GAPDH: variants seen among roughly 807,000 people sequenced by gnomAD.
GAPDH encodes glyceraldehyde-3-phosphate dehydrogenase, also known as OCAS, p38 component.
In GAPDH, 13 loss-of-function variants were observed where a neutral mutation model predicts 31.2. The observed-to-expected ratio is 0.42, with a 90% CI of 0.27 to 0.66. GAPDH has a LOEUF of 0.66. Ranked by LOEUF, GAPDH falls within the 30% of genes least tolerant of loss-of-function variation. The probability of loss-of-function intolerance (pLI) is 0.26; values close to 1 mark genes in which losing one functional copy is unlikely to be tolerated. For missense variants in GAPDH, 300 were observed against 443.7 expected, an observed-to-expected ratio of 0.68 and a Z score of 2.91; for synonymous variants, 211 against 166.9, an observed-to-expected ratio of 1.26 and a Z score of -2.04.
chr12:6,537,028 C>T lies in GAPDH; in HGVS notation c.327+18C>T, dbSNP rs188736603. ...AGGCTGGGGTGAGTGCAGGAGGGCC[C>T]GCGGGAGGGGAAGCTGACTCAGCCC... On this transcript the variant is annotated intron_variant, in intron 5 of 8. Coordinates refer to ENST00000229239, the MANE Select transcript of GAPDH (RefSeq NM_002046.7). This position sits in a 1 kb window ranked among gnomAD's most constrained non-coding sequence, Gnocchi z 4.9. 3,045 of 1,609,884 alleles carry T rather than the reference C, an allele frequency of 1.9e-3. 5 individuals are homozygous for T. Among genetic ancestry groups the T allele is most frequent in the Non-Finnish European group, 2.2e-3 (2,644 of 1,177,850 alleles).
Position 6,537,463 on chromosome 12 carries a change from G to A in GAPDH, c.525+73G>A. 1.9e-6 allele frequency: 3 copies of A among 1,582,846 alleles called. No individual in the cohort carries two copies. The highest frequency in any genetic ancestry group is 1.7e-6 in the Non-Finnish European group (2 of 1,154,688). Reference sequence around the variant, plus strand: ...AGACTGGCTCCTCCCTGCCGGGGCTGCGTGCAACCCTGGGGTTGGGGGTTC... The same window carrying A: ...AGACTGGCTCCTCCCTGCCGGGGCTACGTGCAACCCTGGGGTTGGGGGTTC... On this transcript the variant is annotated intron_variant, in intron 7 of 8. Transcript: ENST00000229239. The surrounding 1 kb of genome is among the most constrained non-coding windows in gnomAD (Gnocchi z 4.9).
intron 2 of GAPDH, chr12:6,535,171 G>A: frequency 9.2e-7 from 1 of 1,090,274 alleles, no homozygotes; most frequent in Non-Finnish European, 1.2e-6. Flanking sequence ...TTCCTTTCGC[G>A]CTCTGCGGGG....
chr12:6,536,771 C>A lies in GAPDH; in HGVS notation c.217C>A (p.Pro73Thr). 2 of 1,613,784 alleles carry A rather than the reference C, an allele frequency of 1.2e-6. No homozygotes were observed. Among genetic ancestry groups the A allele is most frequent in the East Asian group, 2.2e-5 (1 of 44,892 alleles). The change falls in exon 4 of 9, where the codon CCC (proline) becomes ACC (threonine). Residue 73 changes from proline to threonine, a missense_variant. Coordinates refer to ENST00000229239, the MANE Select transcript of GAPDH (RefSeq NM_002046.7). ...ENGKLVINGN[P>T]ITIFQERDPS... Reference sequence around the variant, plus strand: ...CGGGAAGCTTGTCATCAATGGAAATCCCATCACCATCTTCCAGGAGTGAGT... The same window carrying A: ...CGGGAAGCTTGTCATCAATGGAAATACCATCACCATCTTCCAGGAGTGAGT...
At chr12:6,534,724 G>A in intron 1 of GAPDH, 86 bp from the exon 2 acceptor site, 1 of 1,182,530 alleles carries the variant, frequency 8.5e-7, no homozygotes, top group Admixed American at 1.9e-5. Context: ...CGCGGGCTGG[G>A]CATGGAGGCC....
chr12:6,535,277 G>T lies in GAPDH; in HGVS notation c.29+416G>T, dbSNP rs1236457045. 3.0e-6 allele frequency: 3 copies of T among 1,016,580 alleles called. No individual in the cohort carries two copies. The African/African-American group carries it at 5.1e-5, about 17-fold the overall frequency. The allele number at this position is 1,016,580 out of a possible 1,614,324, so 63.0% of individuals were successfully genotyped here. The stretch of plus-strand genomic sequence containing the variant: ...GGGTGCATCCCTGTCCGGATGCTGC[G>T]CCTGCGGTAGAGCGGCCGCCATGTT... On this transcript the variant is annotated intron_variant, in intron 2 of 8. Coordinates refer to ENST00000229239, the MANE Select transcript of GAPDH (RefSeq NM_002046.7).
At chr12:6,536,888 G>A (rs1204250644) in intron 4 of GAPDH, 32 bp from the exon 5 acceptor site, 1 of 1,597,012 alleles carries the variant, frequency 6.3e-7, no homozygotes, top group African/African-American at 1.3e-5. Flanking sequence ...CCTCAATATG[G>A]TCCTGTCCCC....
At chr12:6,536,643 G>A in intron 3 of GAPDH, 41 bp from the exon 4 acceptor site, 1 of 1,604,612 alleles carries the variant, frequency 6.2e-7, no homozygotes, top group Non-Finnish European at 8.5e-7. Flanking sequence ...GAGCCACCTG[G>A]CTGATGGGCA....
At position 6,537,164 on chromosome 12, in the gene GAPDH, T is replaced by C; in HGVS notation, c.391T>C (p.Phe131Leu). Residue 131 changes from phenylalanine to leucine, a missense_variant, in exon 6 of 9, where the codon TTC (phenylalanine) becomes CTC (leucine). Physicochemically the swap from Phe to Leu is conservative, Grantham distance 22. Transcript: ENST00000229239. This position sits in a 1 kb window ranked among gnomAD's most constrained non-coding sequence, Gnocchi z 4.9. ...ISAPSADAPM[F>L]VMGVNHEKYD... Reference sequence around the variant, plus strand: ...TGCCCCCTCTGCTGATGCCCCCATGTTCGTCATGGGTGTGAACCATGAGAA... The same window carrying C: ...TGCCCCCTCTGCTGATGCCCCCATGCTCGTCATGGGTGTGAACCATGAGAA... The C allele has an allele frequency of 6.2e-7, 1 of 1,613,632 alleles. No individual in the cohort carries two copies.
chr12:6,534,619 G>A (rs571028238), intron 1 of GAPDH, 50 bp downstream of exon 1: 2 of 596,844 alleles, frequency 3.4e-6, no homozygotes, highest in Non-Finnish European at 5.9e-6. Context: ...GCCTGAAGGC[G>A]GCAGGGGCGG....
At chr12:6,536,383 G>A (rs890163592) in intron 2 of GAPDH, 111 bp from the exon 3 acceptor site, 6 of 797,054 alleles carry the variant, frequency 7.5e-6, no homozygotes, top group African/African-American at 5.1e-5. Flanking sequence ...GGGCCCTCCT[G>A]GGGGTAAGGA....
intron 2 of GAPDH, chr12:6,535,323 T>C (rs924839608): frequency 1.0e-6 from 1 of 995,070 alleles, no homozygotes; most frequent in South Asian, 4.4e-5. Context: ...AGGAAATGAA[T>C]GGGCAGCCGT....
At position 6,537,101 on chromosome 12, in the gene GAPDH, G is replaced by T. The variant is rs1411867997; in HGVS notation, c.328G>T (p.Ala110Ser). Reference protein sequence around the residue: ...GVFTTMEKAGAHLQGGAKRVI... With the variant: ...GVFTTMEKAGSHLQGGAKRVI... ...ATAACTGTCTGCTTCTCTGCTGTAG[G>T]CTCATTTGCAGGGGGGAGCCAAAAG... Residue 110 changes from alanine (A) to serine (S), a missense_variant and splice_region_variant, in exon 6 of 9, where the codon GCT (alanine) becomes TCT (serine). By Grantham distance (99) the Ala-to-Ser change is moderately conservative. Coordinates refer to ENST00000229239, the MANE Select transcript of GAPDH (RefSeq NM_002046.7). The surrounding 1 kb of genome is among the most constrained non-coding windows in gnomAD (Gnocchi z 4.9). 1 of 1,613,490 alleles carries T rather than the reference G, an allele frequency of 6.2e-7. No individual in the cohort carries two copies. The highest frequency in any genetic ancestry group is 2.2e-5 in the East Asian group (1 of 44,876).
chr12:6,536,557 T>C lies in GAPDH; in HGVS notation c.93T>C (p.Val31=). 3 of 1,613,888 alleles carry C rather than the reference T, an allele frequency of 1.9e-6. No individual in the cohort carries two copies. The highest frequency in any genetic ancestry group is 2.5e-6 in the Non-Finnish European group (3 of 1,180,002). Residue 31 remains valine (V), a synonymous_variant, in exon 3 of 9, where the codon GTT becomes GTC. Transcript: ENST00000229239. ...AAFNSGKVDI[V]AINDPFIDLN... ...TTAACTCTGGTAAAGTGGATATTGT[T>C]GCCATCAATGACCCCTTCATTGACC...
At chr12:6,535,805 TGAGGTTA>T (rs1399700690) in intron 2 of GAPDH, among the ~76,000 whole-genome samples, 1 of 152,180 alleles carries the variant, frequency 6.6e-6, no homozygotes, top group Admixed American at 6.5e-5. Flanking sequence ...CACCCTGGTC[TGAGGTTA>T]AATATAGCTG....
In GAPDH at chr12:6,537,616, G is replaced by A; in HGVS notation, c.558G>A (p.Lys186=). 1.2e-6 allele frequency: 2 copies of A among 1,611,964 alleles called. No homozygotes were observed. Among genetic ancestry groups the A allele is most frequent in the South Asian group, 1.1e-5 (1 of 90,986 alleles). Residue 186 remains lysine (K), a synonymous_variant, in exon 8 of 9, where the codon AAG becomes AAA. Transcript: ENST00000229239. The surrounding 1 kb of genome is among the most constrained non-coding windows in gnomAD (Gnocchi z 4.9). ...TTVHAITATQ[K]TVDGPSGKLW... Reference sequence around the variant, plus strand: ...TCCATGCCATCACTGCCACCCAGAAGACTGTGGATGGCCCCTCCGGGAAAC... The same window carrying A: ...TCCATGCCATCACTGCCACCCAGAAAACTGTGGATGGCCCCTCCGGGAAAC...
chr12:6,536,428 C>A, intron 2 of GAPDH, 66 bp from the exon 3 acceptor site: 1 of 1,188,224 alleles, frequency 8.4e-7, no homozygotes, highest in Non-Finnish European at 1.3e-6. Context: ...GGGAGGTGGC[C>A]TAGGGCTGCT....
intron 2 of GAPDH, 136 bp downstream of exon 2, chr12:6,534,997 C>A: frequency 9.5e-7 from 1 of 1,049,084 alleles, no homozygotes; most frequent in Non-Finnish European, 1.4e-6. Flanking sequence ...TCAAGGTCAG[C>A]GCTCGGACCT....
chr12:6,538,083 A>G lies in GAPDH; in HGVS notation c.939-18A>G. On this transcript the variant is annotated intron_variant, in intron 8 of 8. Coordinates refer to ENST00000229239, the MANE Select transcript of GAPDH (RefSeq NM_002046.7). Reference sequence around the variant, plus strand: ...CTGGCTCAGAAAAAGGGCCCTGACAACTCTTTTCATCTTCTAGGTATGACA... The same window carrying G: ...CTGGCTCAGAAAAAGGGCCCTGACAGCTCTTTTCATCTTCTAGGTATGACA... 6.3e-7 allele frequency: 1 copy of G among 1,597,628 alleles called. No homozygotes were observed. The highest frequency in any genetic ancestry group is 8.5e-7 in the Non-Finnish European group (1 of 1,179,428).
intron 2 of GAPDH, chr12:6,535,363 G>T: frequency 9.1e-6 from 9 of 990,890 alleles, no homozygotes; most frequent in Non-Finnish European, 1.1e-5. Context: ...CTAACCCTGC[G>T]CTCCTGCCTC....
Sources: allele counts gnomAD v4.1 joint callset (sites outside exome capture counted in the v4.1 genomes callset), GRCh38; gene constraint gnomAD v4.1.1; non-coding constraint Gnocchi (gnomAD v3.1); transcripts MANE v1.5; gene names NCBI Gene and HGNC (gene_info 2026-07-23, HGNC 2026-07-21).